LSAMP: variants seen among roughly 807,000 people sequenced by gnomAD.
LSAMP encodes the protein limbic system-associated membrane protein.
Under a neutral mutation model 38.6 loss-of-function variants are expected in LSAMP, and 7 were observed. The observed-to-expected ratio is 0.18, with a 90% CI of 0.10 to 0.34. The LOEUF (loss-of-function observed/expected upper bound fraction) is 0.34, where lower values mean the gene tolerates loss of function less well. Among genes scored for constraint, LSAMP ranks in the 10% least tolerant of loss-of-function variants. LSAMP has a pLI of 1.00. For missense variants in LSAMP, 313 were observed against 420.0 expected (o/e 0.75, Z 2.23); for synonymous variants, 154 against 166.8 (o/e 0.92, Z 0.59).
chr3:116,122,037 T>C (rs1708888224), intron 1 of LSAMP, among the ~76,000 whole-genome samples: 1 of 152,172 alleles, frequency 6.6e-6, no homozygotes, highest in South Asian at 2.1e-4. Flanking sequence ...TATTTCACTA[T>C]ACTCTTTTTC....
At chr3:115,847,518 C>T (rs946152932) in intron 4 of LSAMP, among the ~76,000 whole-genome samples, 7 of 152,212 alleles carry the variant, frequency 4.6e-5, no homozygotes, top group African/African-American at 1.7e-4. Flanking sequence ...GTGTTCCCAC[C>T]CAAAATCTCA....
At chr3:115,948,832 A>C (rs981701268) in intron 3 of LSAMP, among the ~76,000 whole-genome samples, 2 of 152,176 alleles carry the variant, frequency 1.3e-5, no homozygotes, top group Non-Finnish European at 2.9e-5. Context: ...TAATAATAGT[A>C]ATACAAAATA....
At chr3:116,219,771 A>G (rs2046260372) in intron 1 of LSAMP, among the ~76,000 whole-genome samples, 1 of 152,206 alleles carries the variant, frequency 6.6e-6, no homozygotes, top group African/African-American at 2.4e-5. Flanking sequence ...AAATAACTCA[A>G]AAAAATAAAC....
chr3:116,187,998 G>A (rs1299296407), intron 1 of LSAMP, among the ~76,000 whole-genome samples: 4 of 151,920 alleles, frequency 2.6e-5, no homozygotes, highest in Admixed American at 6.6e-5. Flanking sequence ...CTGTGTGTCC[G>A]TGTGTTTTCA....
intron 6 of LSAMP, among the ~76,000 whole-genome samples, chr3:115,818,889 G>A (rs886212679): frequency 7.0e-5 from 10 of 143,396 alleles, no homozygotes; most frequent in East Asian, 2.2e-4. Flanking sequence ...GAGGCTGGGC[G>A]CGGCTCACAC....
At chr3:116,143,985 G>A (rs563877309) in intron 1 of LSAMP, among the ~76,000 whole-genome samples, 35 of 151,990 alleles carry the variant, frequency 2.3e-4, no homozygotes, top group African/African-American at 7.7e-4. Context: ...TTTTCATGAA[G>A]TCTAAATATT....
At chr3:116,239,241 C>T (rs1379586700) in intron 1 of LSAMP, among the ~76,000 whole-genome samples, 1 of 152,102 alleles carries the variant, frequency 6.6e-6, no homozygotes, top group African/African-American at 2.4e-5. Context: ...TCAGTATATG[C>T]TGCTGAATGG....
chr3:116,432,030 C>G (rs115189362), intron 1 of LSAMP, among the ~76,000 whole-genome samples: 1 of 151,940 alleles, frequency 6.6e-6, no homozygotes, highest in Non-Finnish European at 1.5e-5. Context: ...AAAACATTGT[C>G]TGACTCCCCT....
intron 3 of LSAMP, 32 bp from the exon 4 acceptor site, chr3:115,852,649 T>TA: frequency 6.3e-7 from 1 of 1,597,352 alleles, no homozygotes; most frequent in East Asian, 2.3e-5. Flanking sequence ...GATTCTTTTT[T>TA]AAAGTCTGAA....
At chr3:116,234,817 T>G (rs1336125015) in intron 1 of LSAMP, among the ~76,000 whole-genome samples, 1 of 152,160 alleles carries the variant, frequency 6.6e-6, no homozygotes, top group African/African-American at 2.4e-5. Context: ...ACTTAAATTC[T>G]GAAGTGGAAT....
chr3:116,370,737 G>T (rs1190162839), intron 1 of LSAMP, among the ~76,000 whole-genome samples: 1 of 152,120 alleles, frequency 6.6e-6, no homozygotes, highest in Non-Finnish European at 1.5e-5. Context: ...CCTCACGGGT[G>T]CAAGCTGAAA....
At chr3:116,119,405 CTAATT>C (rs1247684223) in intron 1 of LSAMP, among the ~76,000 whole-genome samples, 1 of 151,668 alleles carries the variant, frequency 6.6e-6, no homozygotes, top group Non-Finnish European at 1.5e-5. Context: ...TTGTACCAAA[CTAATT>C]TAAGATGATT....
chr3:116,001,919 G>C (rs1484120505), intron 3 of LSAMP, among the ~76,000 whole-genome samples: 1 of 152,052 alleles, frequency 6.6e-6, no homozygotes, highest in Admixed American at 6.6e-5. Flanking sequence ...ATATTCACAG[G>C]TTTCAGAGGT....
chr3:116,376,254 A>G (rs967846542), intron 1 of LSAMP, among the ~76,000 whole-genome samples: 1 of 152,118 alleles, frequency 6.6e-6, no homozygotes, highest in African/African-American at 2.4e-5. Context: ...TTAAACAAGG[A>G]TGATGAGATA....
intron 1 of LSAMP, among the ~76,000 whole-genome samples, chr3:116,141,908 T>C (rs1209839797): frequency 3.9e-5 from 6 of 151,930 alleles, no homozygotes; most frequent in African/African-American, 1.4e-4. Flanking sequence ...TTGAAAGCAA[T>C]GCCAAGCGAG....
intron 6 of LSAMP, among the ~76,000 whole-genome samples, chr3:115,830,458 A>T (rs766269826): frequency 6.6e-6 from 1 of 152,314 alleles, no homozygotes; most frequent in South Asian, 2.1e-4. Flanking sequence ...CCTGGGTGCA[A>T]TAAGGGGTAG....
Position 116,241,085 on chromosome 3 carries a change from G to A in LSAMP, c.156-154529C>T, listed in dbSNP as rs538577311. On this transcript the variant is annotated intron_variant, in intron 1 of 6. Transcript: ENST00000490035. ...CCAGCTACACAGGAAGCTGAGGCAG[G>A]AGAATTGCTTGAACCCGAGAGGCAG... is the stretch of plus-strand genomic sequence containing the variant. Among the ~76,000 whole-genome samples, 227 of 151,858 alleles carry A rather than the reference G, an allele frequency of 1.5e-3. 2 individuals are homozygous for A. The highest frequency in any genetic ancestry group is 3.4e-3 in the Admixed American group (52 of 15,272).
chr3:115,810,197 G>C lies in LSAMP; in HGVS notation c.*120C>G. 3.1e-6 allele frequency: 2 copies of C among 650,490 alleles called. No homozygotes were observed. The highest frequency in any genetic ancestry group is 5.3e-6 in the Non-Finnish European group (2 of 380,082). The allele number at this position is 650,490 out of a possible 1,614,324, so 40.3% of individuals were successfully genotyped here. A position where few individuals can be genotyped will look rare whatever the true frequency, so the allele number is the denominator to read the frequency against. ...CCCCCTTCATGTATAAACACACAAA[G>C]TTGTGAAATAAACGGTCTCCCCCAT... On this transcript the variant is annotated 3_prime_UTR_variant, in exon 7 of 7. Coordinates refer to ENST00000490035, the MANE Select transcript of LSAMP (RefSeq NM_002338.5).
At position 116,445,010 on chromosome 3, in the gene LSAMP, C is replaced by A. The variant is rs749038704; in HGVS notation, c.22G>T (p.Asp8Tyr). The A allele has an allele frequency of 5.0e-6, 8 of 1,613,824 alleles. No homozygotes were observed. The South Asian group carries it at 8.8e-5, about 18-fold the overall frequency. The stretch of plus-strand genomic sequence containing the variant: ...AGGACCAGTGGCAACTGTTTCCGAT[C>A]CGGCTGAACTCTCCTGACCATGGTG... MVRRVQPDRKQLPLVLLR... is the reference protein window; with the variant it reads MVRRVQPYRKQLPLVLLR... The change falls in exon 1 of 7, where the codon GAT (aspartate) becomes TAT (tyrosine). Residue 8 changes from aspartate (D) to tyrosine (Y), a missense_variant. Asp to Tyr is a radical substitution (Grantham distance 160). Coordinates refer to ENST00000490035, the MANE Select transcript of LSAMP (RefSeq NM_002338.5).
Sources: allele counts gnomAD v4.1 joint callset (sites outside exome capture counted in the v4.1 genomes callset), GRCh38; gene constraint gnomAD v4.1.1; transcripts MANE v1.5; gene names NCBI Gene and HGNC (gene_info 2026-07-23, HGNC 2026-07-21).